GRM7: variants seen among roughly 807,000 people sequenced by gnomAD.
GRM7 encodes metabotropic glutamate receptor 7.
In GRM7, 35 loss-of-function variants were observed where a neutral mutation model predicts 84.5. The observed-to-expected ratio is 0.41, with a 90% CI of 0.32 to 0.55. GRM7 has a LOEUF of 0.55. GRM7 is among the 20% of genes least tolerant of loss of function. The pLI, the probability that GRM7 is intolerant of heterozygous loss-of-function variation, is 0.19. For missense variants in GRM7, 1,003 were observed against 1,194.6 expected, an observed-to-expected ratio of 0.84 and a Z score of 2.36; for synonymous variants, 487 against 455.1, an observed-to-expected ratio of 1.07 and a Z score of -0.89.
chr3:7,242,829 C>T (rs1056751461), intron 2 of GRM7, among the ~76,000 whole-genome samples: 3 of 152,094 alleles, frequency 2.0e-5, no homozygotes, highest in African/African-American at 7.2e-5. Context: ...CCATTTGTTT[C>T]TTTCAGCATT....
intron 4 of GRM7, among the ~76,000 whole-genome samples, chr3:7,317,540 G>A (rs374634713): frequency 8.9e-4 from 135 of 152,080 alleles, no homozygotes; most frequent in African/African-American, 3.0e-3. Flanking sequence ...TCCTATAATC[G>A]CCACCAATTA....
chr3:7,068,964 G>C (rs948856635), intron 1 of GRM7, among the ~76,000 whole-genome samples: 1 of 151,636 alleles, frequency 6.6e-6, no homozygotes, highest in Non-Finnish European at 1.5e-5. Context: ...ATGGACTTCA[G>C]TTTGAATTGC....
At chr3:7,446,822 T>C (rs1301756153) in intron 5 of GRM7, among the ~76,000 whole-genome samples, 1 of 152,304 alleles carries the variant, frequency 6.6e-6, no homozygotes, top group Admixed American at 6.5e-5. Context: ...ATATCTTTTT[T>C]ATCCTAATAA....
At chr3:7,339,905 A>T (rs2125077677) in intron 4 of GRM7, among the ~76,000 whole-genome samples, 1 of 152,180 alleles carries the variant, frequency 6.6e-6, no homozygotes, top group Admixed American at 6.5e-5. Context: ...AAGAAGAAAA[A>T]TACAAGTAAT....
chr3:7,686,077 A>C (rs1193027999), intron 9 of GRM7, among the ~76,000 whole-genome samples: 1 of 152,186 alleles, frequency 6.6e-6, no homozygotes, highest in Non-Finnish European at 1.5e-5. Context: ...TGCTCTGAGC[A>C]GATAGATAAA....
At chr3:7,682,336 C>CAAAAAAAAAAAAAAAA (rs905940773) in intron 9 of GRM7, 20 of 51,000 alleles carry the variant, frequency 3.9e-4, no homozygotes, top group Non-Finnish European at 5.0e-4. Context: ...AACTCCATCT[C>CAAAAAAAAAAAAAAAA]AAAAAAAAAA....
At chr3:7,239,498 C>T (rs560411394) in intron 2 of GRM7, among the ~76,000 whole-genome samples, 1 of 152,136 alleles carries the variant, frequency 6.6e-6, no homozygotes, top group Admixed American at 6.5e-5. Flanking sequence ...AGCACCGTAC[C>T]CAGCTGTGAG....
intron 9 of GRM7, among the ~76,000 whole-genome samples, chr3:7,724,222 A>T (rs1702046164): frequency 6.6e-6 from 1 of 152,176 alleles, no homozygotes. Flanking sequence ...AGCAACAATG[A>T]AGCAAGGACA....
chr3:7,713,119 G>GTGTTTT (rs1553640881), intron 9 of GRM7, among the ~76,000 whole-genome samples: 2 of 55,642 alleles, frequency 3.6e-5, no homozygotes, highest in African/African-American at 1.3e-4. Context: ...TTCGAATTTT[G>GTGTTTT]TTTTGTTTTT....
rs570102916 is a variant in GRM7 at position 7,557,579 on chromosome 3, C to T, written c.1516-20843C>T. 1.1e-4 allele frequency among the ~76,000 whole-genome samples: 17 copies of T among 152,178 alleles called. No homozygotes were observed. In the South Asian group the frequency reaches 3.3e-3, roughly 30 times the overall value. On this transcript the variant is annotated intron_variant, in intron 7 of 9. Coordinates refer to ENST00000357716, the MANE Select transcript of GRM7 (RefSeq NM_000844.4). ...CCTTCTGATCAACTTCCAAGTCAGA[C>T]ACTGTCCTCATGGATCACATCAAAA...
intron 4 of GRM7, among the ~76,000 whole-genome samples, chr3:7,387,056 T>C (rs1175694033): frequency 1.3e-5 from 2 of 152,220 alleles, no homozygotes; most frequent in African/African-American, 4.8e-5. Context: ...ATTGGCCATG[T>C]TTATGTCTTC....
chr3:7,486,676 C>T lies in GRM7; in HGVS notation c.1515+24954C>T, dbSNP rs1699334796. ...AAGCAGAGCAGATGTTGGCACCATG[C>T]TTCTTGGACTTCCCAGCCACCAGAA... is the stretch of plus-strand genomic sequence containing the variant. On this transcript the variant is annotated intron_variant, in intron 7 of 9. Coordinates refer to ENST00000357716, the MANE Select transcript of GRM7 (RefSeq NM_000844.4). This position sits in a 1 kb window ranked among gnomAD's most constrained non-coding sequence, Gnocchi z 5.5. 1.3e-5 allele frequency among the ~76,000 whole-genome samples: 2 copies of T among 152,164 alleles called. No homozygotes were observed. Among genetic ancestry groups the T allele is most frequent in the African/African-American group, 4.8e-5 (2 of 41,430 alleles).
chr3:7,620,073 G>A (rs1389744247), intron 8 of GRM7, among the ~76,000 whole-genome samples: 3 of 152,106 alleles, frequency 2.0e-5, no homozygotes, highest in African/African-American at 7.2e-5. Context: ...TCTGGGGAAC[G>A]CTGAGTATTC....
intron 1 of GRM7, among the ~76,000 whole-genome samples, chr3:6,885,559 C>T (rs75527879): frequency 0.059 from 8,945 of 152,120 alleles, 321 homozygotes; most frequent in African/African-American, 0.088. Flanking sequence ...TATCCAAGCC[C>T]GACCCCCAAA....
chr3:7,739,721 T>C (rs760930917), intron 9 of GRM7, among the ~76,000 whole-genome samples: 7 of 152,204 alleles, frequency 4.6e-5, no homozygotes, highest in Admixed American at 6.5e-5. Flanking sequence ...GAAATCACTG[T>C]ACCAAGTAGA....
At chr3:7,252,039 C>G (rs1217468052) in intron 2 of GRM7, among the ~76,000 whole-genome samples, 2 of 152,078 alleles carry the variant, frequency 1.3e-5, no homozygotes, top group Non-Finnish European at 2.9e-5. Context: ...CCCTCACCCA[C>G]CTTCCCCCAC....
chr3:7,325,625 G>A (rs757832006), intron 4 of GRM7, among the ~76,000 whole-genome samples: 31 of 152,118 alleles, frequency 2.0e-4, no homozygotes, highest in Admixed American at 3.9e-4. Flanking sequence ...GGAGACCAGC[G>A]GAGTACCAAA....
At chr3:7,471,956 G>A (rs1256323501) in intron 7 of GRM7, among the ~76,000 whole-genome samples, 5 of 152,136 alleles carry the variant, frequency 3.3e-5, no homozygotes, top group African/African-American at 1.2e-4. Flanking sequence ...GGTGGTGTTG[G>A]GAGGGGGACC....
rs190231617 is a variant in GRM7 at position 7,225,209 on chromosome 3, G to T, written c.737-73475G>T. Among the ~76,000 whole-genome samples, 466 of 151,580 alleles carry T rather than the reference G, an allele frequency of 3.1e-3. 6 individuals carry two copies. Among genetic ancestry groups the T allele is most frequent in the East Asian group, 0.028 (144 of 5,170 alleles). ...GTAGGATTAATGCATTATAAATTAT[G>T]GATGTATCCTTCACTCATACCTTTC... is the stretch of plus-strand genomic sequence containing the variant. On this transcript the variant is annotated intron_variant, in intron 2 of 9. Transcript: ENST00000357716.
Sources: allele counts gnomAD v4.1 joint callset (sites outside exome capture counted in the v4.1 genomes callset), GRCh38; gene constraint gnomAD v4.1.1; non-coding constraint Gnocchi (gnomAD v3.1); transcripts MANE v1.5; gene names NCBI Gene and HGNC (gene_info 2026-07-23, HGNC 2026-07-21).